Variants in TAFA1 observed in about 807,000 individuals in gnomAD.
TAFA1 encodes the protein TAFA chemokine like family member 1.
A neutral mutation model predicts 18.5 loss-of-function variants in TAFA1; 4 were observed. That is an observed-to-expected ratio of 0.22 (90% CI 0.11 to 0.49). The LOEUF is 0.49. Ranked by LOEUF, TAFA1 falls within the 20% of genes least tolerant of loss-of-function variation. The pLI, the probability that TAFA1 is intolerant of heterozygous loss-of-function variation, is 0.98. For missense variants in TAFA1, 147 were observed against 169.0 expected (o/e 0.87, Z 0.72); for synonymous variants, 56 against 55.2 (o/e 1.01, Z -0.06).
At chr3:68,434,518 C>T (rs1346586238) in intron 3 of TAFA1, among the ~76,000 whole-genome samples, 4 of 151,994 alleles carry the variant, frequency 2.6e-5, no homozygotes, top group Admixed American at 2.0e-4. Flanking sequence ...TGTTCATGTG[C>T]TGTGAATTTT....
intron 2 of TAFA1, among the ~76,000 whole-genome samples, chr3:68,264,602 T>A (rs1030380535): frequency 6.6e-6 from 1 of 152,136 alleles, no homozygotes; most frequent in Non-Finnish European, 1.5e-5. Context: ...TTAAAGTAAA[T>A]CTTAGAATTC....
At chr3:68,400,117 T>C (rs760892973) in intron 2 of TAFA1, among the ~76,000 whole-genome samples, 5 of 152,166 alleles carry the variant, frequency 3.3e-5, no homozygotes, top group Non-Finnish European at 7.4e-5. Flanking sequence ...GACTACGCTG[T>C]TTGGCCAGGT....
chr3:68,311,444 A>C (rs2068514313), intron 2 of TAFA1, among the ~76,000 whole-genome samples: 1 of 152,220 alleles, frequency 6.6e-6, no homozygotes, highest in Non-Finnish European at 1.5e-5. Context: ...TAAAATCAAA[A>C]ACAAGGTAGT....
intron 3 of TAFA1, among the ~76,000 whole-genome samples, chr3:68,511,740 A>C (rs1262376078): frequency 7.9e-5 from 12 of 152,038 alleles, no homozygotes. Flanking sequence ...CCTGATTGTA[A>C]ATCTCTTTAT....
At chr3:68,241,682 CAG>C (rs2067002783) in intron 2 of TAFA1, among the ~76,000 whole-genome samples, 1 of 152,074 alleles carries the variant, frequency 6.6e-6, no homozygotes, top group African/African-American at 2.4e-5. Flanking sequence ...ACAAATGACC[CAG>C]CTTTTCCTCC....
intron 2 of TAFA1, among the ~76,000 whole-genome samples, chr3:68,102,540 A>G (rs1331952281): frequency 6.6e-6 from 1 of 152,162 alleles, no homozygotes; most frequent in Non-Finnish European, 1.5e-5. Context: ...CCCATACTGA[A>G]TTCCTGGAGT....
chr3:68,299,085 GT>G (rs1376710766), intron 2 of TAFA1, among the ~76,000 whole-genome samples: 1 of 152,178 alleles, frequency 6.6e-6, no homozygotes, highest in Non-Finnish European at 1.5e-5. Context: ...AAGCAATGAA[GT>G]CCAGGCTGAG....
chr3:68,286,921 C>A (rs79631939), intron 2 of TAFA1, among the ~76,000 whole-genome samples: 5,749 of 152,294 alleles, frequency 0.038, 342 homozygotes, highest in Admixed American at 0.16. Flanking sequence ...AAGCTGTTAA[C>A]AGGGCCATCC....
intron 2 of TAFA1, among the ~76,000 whole-genome samples, chr3:68,148,580 A>G (rs538801951): frequency 6.6e-6 from 1 of 152,318 alleles, no homozygotes; most frequent in Non-Finnish European, 1.5e-5. Flanking sequence ...AGACTTCAGA[A>G]AAGCGTTTGG....
intron 2 of TAFA1, among the ~76,000 whole-genome samples, chr3:68,021,569 T>C (rs970761671): frequency 2.6e-5 from 4 of 152,208 alleles, no homozygotes; most frequent in Non-Finnish European, 4.4e-5. Flanking sequence ...CAAGGTATCA[T>C]ATGTGTGTTT....
intron 2 of TAFA1, among the ~76,000 whole-genome samples, chr3:68,371,904 A>G (rs1004528336): frequency 1.3e-5 from 2 of 152,194 alleles, no homozygotes; most frequent in East Asian, 1.9e-4. Context: ...CCATGGGGAC[A>G]TGGTGATCCA....
chr3:68,498,044 T>G (rs2072581409), intron 3 of TAFA1, among the ~76,000 whole-genome samples: 1 of 152,170 alleles, frequency 6.6e-6, no homozygotes, highest in African/African-American at 2.4e-5. Context: ...TGATACTAAG[T>G]ACATTCTTTA....
intron 2 of TAFA1, among the ~76,000 whole-genome samples, chr3:68,014,349 A>G (rs906946417): frequency 6.6e-6 from 1 of 152,250 alleles, no homozygotes; most frequent in African/African-American, 2.4e-5. Flanking sequence ...TTTATTGATC[A>G]TCCTAGCTTT....
In TAFA1 at chr3:68,233,205, A is replaced by T. The variant is rs1437574464; in HGVS notation, c.119-184075A>T. 4.6e-5 allele frequency among the ~76,000 whole-genome samples: 7 copies of T among 151,446 alleles called. No homozygotes were observed. In the East Asian group the frequency reaches 5.8e-4, roughly 13 times the overall value. Reference sequence around the variant, plus strand: ...GTCCATTTTTTAATGAGTTTATTTAATTTTTTTTATTTTTTGCTGTTGAGT... The same window carrying T: ...GTCCATTTTTTAATGAGTTTATTTATTTTTTTTTATTTTTTGCTGTTGAGT... On this transcript the variant is annotated intron_variant, in intron 2 of 4. Coordinates refer to ENST00000478136, the MANE Select transcript of TAFA1 (RefSeq NM_213609.4).
intron 2 of TAFA1, among the ~76,000 whole-genome samples, chr3:68,340,268 T>C (rs1273795917): frequency 6.6e-6 from 1 of 152,210 alleles, no homozygotes; most frequent in African/African-American, 2.4e-5. Context: ...TCTTTGAATT[T>C]AAATAGCCAA....
intron 2 of TAFA1, among the ~76,000 whole-genome samples, chr3:68,105,841 A>C (rs189949282): frequency 3.4e-4 from 51 of 152,146 alleles, no homozygotes; most frequent in Admixed American, 2.2e-3. Context: ...CTGCCTCCCT[A>C]TGTAAACCAG....
intron 3 of TAFA1, among the ~76,000 whole-genome samples, chr3:68,454,425 C>T (rs1040033880): frequency 2.6e-5 from 4 of 152,122 alleles, no homozygotes; most frequent in African/African-American, 9.7e-5. Context: ...CTGAAACAGC[C>T]TTGTACAAGA....
chr3:68,379,765 T>A (rs189700713), intron 2 of TAFA1, among the ~76,000 whole-genome samples: 9,024 of 151,532 alleles, frequency 0.06, 318 homozygotes, highest in East Asian at 0.14. Flanking sequence ...TTTTTTTTTT[T>A]AAATTTTATT....
chr3:68,063,718 T>C (rs1428595632), intron 2 of TAFA1, among the ~76,000 whole-genome samples: 1 of 152,240 alleles, frequency 6.6e-6, no homozygotes, highest in East Asian at 1.9e-4. Context: ...TGTTCTTTAA[T>C]GCATTAATAA....
Sources: gnomAD v4.1 joint callset for allele counts (sites outside exome capture counted in the v4.1 genomes callset) on GRCh38, gnomAD v4.1.1 for gene constraint, MANE v1.5 for transcripts, NCBI Gene and HGNC (gene_info 2026-07-23, HGNC 2026-07-21) for gene names.